Variants in HPGDS observed in about 807,000 individuals in gnomAD.
HPGDS encodes the protein GST class-sigma.
Under a neutral mutation model 23.1 loss-of-function variants are expected in HPGDS, and 26 were observed. The ratio of observed to expected loss-of-function variants is 1.13; its 90% CI spans 0.83 to 1.56. The LOEUF (loss-of-function observed/expected upper bound fraction) is 1.56, where lower values mean the gene tolerates loss of function less well. Among genes scored for constraint, HPGDS ranks in the 40% most tolerant of loss-of-function variants. The pLI is 0.00. For missense variants in HPGDS, 268 were observed against 236.4 expected (o/e 1.13, Z -0.88); for synonymous variants, 95 against 77.9 (o/e 1.22, Z -1.16).
chr4:94,313,757 C>T (rs1287154116), intron 3 of HPGDS, among the ~76,000 whole-genome samples: 2 of 152,164 alleles, frequency 1.3e-5, no homozygotes, highest in Admixed American at 6.5e-5. Flanking sequence ...CCATTCTCCC[C>T]ATCACTTTCA....
intron 2 of HPGDS, among the ~76,000 whole-genome samples, chr4:94,331,961 C>T (rs1487190881): frequency 6.6e-6 from 1 of 152,080 alleles, no homozygotes; most frequent in African/African-American, 2.4e-5. Context: ...TTCCTGTTTG[C>T]CTGCTGTCTC....
At chr4:94,301,397 A>T (rs1756037901) in intron 5 of HPGDS, among the ~76,000 whole-genome samples, 1 of 152,192 alleles carries the variant, frequency 6.6e-6, no homozygotes, top group African/African-American at 2.4e-5. Context: ...CTGGGGTTGG[A>T]AAGTGGTGAT....
intron 2 of HPGDS, among the ~76,000 whole-genome samples, chr4:94,320,584 C>A (rs1027109223): frequency 6.6e-6 from 1 of 152,072 alleles, no homozygotes; most frequent in Non-Finnish European, 1.5e-5. Context: ...CTGTTCATAT[C>A]CTTCGCCCAC....
At chr4:94,340,140 T>G in intron 1 of HPGDS, among the ~76,000 whole-genome samples, 1 of 151,600 alleles carries the variant, frequency 6.6e-6, no homozygotes, top group Non-Finnish European at 1.5e-5. Context: ...TATTTTTTAG[T>G]GGAGATGGGG....
At position 94,302,206 on chromosome 4, in the gene HPGDS, A is replaced by G. The variant is rs756609618; in HGVS notation, c.375T>C (p.Pro125=). ...ATGTGTCCAAGTCTTGCATAAGATG[A>G]GGCGCATTATACGTGAGCAGCTCAT... The part of the protein sequence containing the change: ...MFNELLTYNA[P]HLMQDLDTYL... The change falls in exon 5 of 6, where the codon CCT becomes CCC. Residue 125 remains proline, a synonymous_variant. Coordinates refer to ENST00000295256, the MANE Select transcript of HPGDS (RefSeq NM_014485.3). 5 of 1,612,562 alleles carry G rather than the reference A, an allele frequency of 3.1e-6. No individual in the cohort carries two copies. Among genetic ancestry groups the G allele is most frequent in the Non-Finnish European group, 4.2e-6 (5 of 1,179,022 alleles).
intron 3 of HPGDS, among the ~76,000 whole-genome samples, chr4:94,316,503 G>T (rs946804650): frequency 1.3e-5 from 2 of 152,134 alleles, no homozygotes; most frequent in East Asian, 1.9e-4. Context: ...TTCCCAAAAT[G>T]CATAGCGGTA....
chr4:94,313,700 G>A (rs188774914), intron 3 of HPGDS, among the ~76,000 whole-genome samples: 47 of 152,234 alleles, frequency 3.1e-4, no homozygotes, highest in Middle Eastern at 3.4e-3. Flanking sequence ...GCTGGATTGG[G>A]GAAGTTCTCC....
chr4:94,315,779 T>A (rs1047100958), intron 3 of HPGDS, among the ~76,000 whole-genome samples: 1 of 152,238 alleles, frequency 6.6e-6, no homozygotes, highest in Non-Finnish European at 1.5e-5. Context: ...ATTCAAAGGT[T>A]GATTATTCGT....
intron 1 of HPGDS, among the ~76,000 whole-genome samples, chr4:94,337,530 C>A (rs1195871726): frequency 6.6e-6 from 1 of 151,730 alleles, no homozygotes; most frequent in Non-Finnish European, 1.5e-5. Flanking sequence ...CAAAAATTAG[C>A]TGGGGGTGGT....
intron 1 of HPGDS, among the ~76,000 whole-genome samples, chr4:94,337,237 C>T (rs1721041527): frequency 6.6e-6 from 1 of 151,702 alleles, no homozygotes; most frequent in South Asian, 2.1e-4. Flanking sequence ...TCCCAAAGTG[C>T]TGGGATTACA....
At chr4:94,324,227 G>T (rs187814308) in intron 2 of HPGDS, among the ~76,000 whole-genome samples, 1 of 152,148 alleles carries the variant, frequency 6.6e-6, no homozygotes, top group African/African-American at 2.4e-5. Flanking sequence ...TGAATCTGAC[G>T]ATTACATGTC....
intron 2 of HPGDS, among the ~76,000 whole-genome samples, chr4:94,330,535 C>G (rs903282272): frequency 1.3e-5 from 2 of 151,976 alleles, no homozygotes; most frequent in African/African-American, 4.8e-5. Context: ...TTATTAAGTA[C>G]AAGACCAATC....
chr4:94,337,891 GCTAT>G (rs1472026095), intron 1 of HPGDS, among the ~76,000 whole-genome samples: 1 of 152,190 alleles, frequency 6.6e-6, no homozygotes, highest in Non-Finnish European at 1.5e-5. Flanking sequence ...TAGGTTGGTA[GCTAT>G]CTATATTTCT....
intron 4 of HPGDS, among the ~76,000 whole-genome samples, chr4:94,308,189 TA>T (rs905105587): frequency 3.3e-5 from 5 of 152,190 alleles, no homozygotes; most frequent in Non-Finnish European, 7.3e-5. Context: ...GCACATTTGC[TA>T]AAGTTTGTGT....
chr4:94,328,150 G>A (rs991895714), intron 2 of HPGDS, among the ~76,000 whole-genome samples: 1 of 152,228 alleles, frequency 6.6e-6, no homozygotes, highest in African/African-American at 2.4e-5. Context: ...CCCCACAATG[G>A]GGAGTCCCTC....
At chr4:94,339,009 A>G (rs961163452) in intron 1 of HPGDS, among the ~76,000 whole-genome samples, 3 of 152,236 alleles carry the variant, frequency 2.0e-5, no homozygotes, top group African/African-American at 7.2e-5. Context: ...TCAGAGGTGC[A>G]TTGTCTTAAA....
intron 3 of HPGDS, among the ~76,000 whole-genome samples, chr4:94,316,329 T>A (rs1167215346): frequency 6.6e-6 from 1 of 152,192 alleles, no homozygotes; most frequent in Non-Finnish European, 1.5e-5. Context: ...TTAAATAGAC[T>A]GCCTTCCACA....
intron 4 of HPGDS, among the ~76,000 whole-genome samples, chr4:94,307,326 C>T (rs1433051747): frequency 2.0e-5 from 3 of 151,362 alleles, no homozygotes; most frequent in Admixed American, 6.6e-5. Flanking sequence ...AAAAAAAATC[C>T]TGGGTAATAA....
chr4:94,325,304 C>T (rs1326351109), intron 2 of HPGDS, among the ~76,000 whole-genome samples: 2 of 152,214 alleles, frequency 1.3e-5, no homozygotes, highest in Non-Finnish European at 2.9e-5. Context: ...AGAACCACTG[C>T]TCTCTTCAGA....
Sources: allele counts gnomAD v4.1 joint callset (sites outside exome capture counted in the v4.1 genomes callset), GRCh38; gene constraint gnomAD v4.1.1; transcripts MANE v1.5; gene names NCBI Gene and HGNC (gene_info 2026-07-23, HGNC 2026-07-21).